Variants in TRAPPC9 observed in about 807,000 individuals in gnomAD.
The protein encoded by TRAPPC9 is trafficking protein particle complex subunit 9, also known as IKK2 binding protein.
A neutral mutation model predicts 124.0 loss-of-function variants in TRAPPC9; 83 were observed. That is an observed-to-expected ratio of 0.67 (90% CI 0.56 to 0.80). The LOEUF (loss-of-function observed/expected upper bound fraction) is 0.80. TRAPPC9 is among the 30% of genes least tolerant of loss of function. The pLI is 0.00. For missense variants in TRAPPC9, 1,302 were observed against 1,508.3 expected (o/e 0.86, Z 2.27); for synonymous variants, 638 against 617.5 (o/e 1.03, Z -0.49).
rs1844283038 is a variant in TRAPPC9, at chr8:140,087,645, C to T, written c.2557-63566G>A. ...TCTAAGGTCTGACCACTGTCGCCAA[C>T]CTCCTCTGCTGCCGCCCTCATCCAA... On this transcript the variant is annotated intron_variant, in intron 17 of 22. Coordinates refer to ENST00000438773, the MANE Select transcript of TRAPPC9 (RefSeq NM_001160372.4). This position sits in a 1 kb window ranked among gnomAD's most constrained non-coding sequence, Gnocchi z 4.6. Among the ~76,000 whole-genome samples, 1 of 152,172 alleles carries T rather than the reference C, an allele frequency of 6.6e-6. No homozygotes were observed. Among genetic ancestry groups the T allele is most frequent in the South Asian group, 2.1e-4 (1 of 4,832 alleles).
intron 18 of TRAPPC9, among the ~76,000 whole-genome samples, chr8:140,006,396 T>C (rs1838752855): frequency 6.6e-6 from 1 of 152,208 alleles, no homozygotes; most frequent in African/African-American, 2.4e-5. Flanking sequence ...ACTCATATAC[T>C]ATGGGAATGT....
chr8:140,019,518 T>C (rs1587507248), intron 18 of TRAPPC9, among the ~76,000 whole-genome samples: 1 of 149,936 alleles, frequency 6.7e-6, no homozygotes, highest in African/African-American at 2.4e-5. Context: ...TTCTTTTTCC[T>C]GTGTCAATTT....
intron 21 of TRAPPC9, among the ~76,000 whole-genome samples, chr8:139,770,333 C>G (rs1463626383): frequency 6.6e-6 from 1 of 152,230 alleles, no homozygotes; most frequent in Non-Finnish European, 1.5e-5. Context: ...CGGTCCTCAC[C>G]GTGGCTCCCC....
intron 21 of TRAPPC9, among the ~76,000 whole-genome samples, chr8:139,747,570 T>G (rs564400018): frequency 3.6e-5 from 1 of 27,522 alleles, no homozygotes; most frequent in Non-Finnish European, 6.6e-5. Flanking sequence ...GGGGTCAGAG[T>G]GGGTGTGGGG....
intron 17 of TRAPPC9, among the ~76,000 whole-genome samples, chr8:140,159,125 G>C (rs2061703037): frequency 6.6e-6 from 1 of 152,164 alleles, no homozygotes; most frequent in African/African-American, 2.4e-5. Context: ...CCACAACACA[G>C]TAACCTCCCC....
intron 7 of TRAPPC9, among the ~76,000 whole-genome samples, chr8:140,378,039 A>G (rs191984243): frequency 2.4e-4 from 36 of 152,208 alleles, no homozygotes; most frequent in Admixed American, 2.2e-3. Flanking sequence ...TAACATCTCA[A>G]TCCAGAGCTT....
chr8:140,439,286 C>T (rs904605889), intron 2 of TRAPPC9, 89 bp from the exon 3 acceptor site: 1 of 1,432,576 alleles, frequency 7.0e-7, no homozygotes, highest in African/African-American at 1.4e-5. Context: ...TCTCTCACTA[C>T]TAAAAATGCT....
chr8:140,209,027 G>A (rs1023303548), intron 17 of TRAPPC9, among the ~76,000 whole-genome samples: 7 of 152,172 alleles, frequency 4.6e-5, no homozygotes, highest in Non-Finnish European at 1.0e-4. Context: ...CATTTAAAAC[G>A]CTGGCAGTTG....
chr8:140,447,901 T>G, intron 2 of TRAPPC9, among the ~76,000 whole-genome samples: 1 of 152,182 alleles, frequency 6.6e-6, no homozygotes, highest in African/African-American at 2.4e-5. Flanking sequence ...TCCCAGCACT[T>G]TGGGAGGCCG....
chr8:140,268,648 C>T (rs1466908836), intron 15 of TRAPPC9, among the ~76,000 whole-genome samples: 1 of 152,116 alleles, frequency 6.6e-6, no homozygotes, highest in African/African-American at 2.4e-5. Flanking sequence ...CTGAGGCTGG[C>T]CACCCACCTC....
intron 17 of TRAPPC9, among the ~76,000 whole-genome samples, chr8:140,157,878 T>A (rs1241439063): frequency 6.6e-6 from 1 of 152,212 alleles, no homozygotes; most frequent in Admixed American, 6.5e-5. Context: ...TATAAATGCA[T>A]ATTTTTATAA....
At chr8:140,408,947 G>A (rs2069594217) in intron 5 of TRAPPC9, among the ~76,000 whole-genome samples, 1 of 152,050 alleles carries the variant, frequency 6.6e-6, no homozygotes, top group Admixed American at 6.6e-5. Context: ...AAAGGAAAAG[G>A]CTCTCTATCA....
rs940418802 is a variant in TRAPPC9 at position 140,385,103 on chromosome 8, G to C, written c.1134+12517C>G. On this transcript the variant is annotated intron_variant, in intron 7 of 22. Transcript: ENST00000438773. ...ATAACGAAATGAAGGCGGAAATAAA[G>C]ATGTTCTTTGAAACCAATGAGAACA... is the stretch of plus-strand genomic sequence containing the variant. 3.3e-5 allele frequency among the ~76,000 whole-genome samples: 5 copies of C among 152,288 alleles called. No homozygotes were observed. The East Asian group carries it at 9.6e-4, about 29-fold the overall frequency.
intron 19 of TRAPPC9, among the ~76,000 whole-genome samples, chr8:139,971,812 T>C (rs1417118726): frequency 1.4e-5 from 2 of 142,576 alleles, no homozygotes; most frequent in African/African-American, 5.3e-5. Flanking sequence ...TACATATATA[T>C]ATATACACAC....
intron 21 of TRAPPC9, among the ~76,000 whole-genome samples, chr8:139,757,943 G>A (rs1480859219): frequency 6.6e-6 from 1 of 152,170 alleles, no homozygotes; most frequent in East Asian, 1.9e-4. Context: ...CTGATGCCAG[G>A]AGGATTTTTC....
rs1287742534 is a variant in TRAPPC9 at position 139,825,116 on chromosome 8, C to G, written c.3055+60763G>C. ...GGTCACAGATGACCCGGGCCCTGGACGTGGGACGTGGGCTGCGGGACTACA... is the reference window on the plus strand; with the variant it reads ...GGTCACAGATGACCCGGGCCCTGGAGGTGGGACGTGGGCTGCGGGACTACA... On this transcript the variant is annotated intron_variant, in intron 21 of 22. Transcript: ENST00000438773. This position sits in a 1 kb window ranked among gnomAD's most constrained non-coding sequence, Gnocchi z 4.6. 6.6e-6 allele frequency among the ~76,000 whole-genome samples: 1 copy of G among 152,012 alleles called. No individual in the cohort carries two copies. The highest frequency in any genetic ancestry group is 2.4e-5 in the African/African-American group (1 of 41,388).
chr8:140,126,492 G>A (rs751540709), intron 17 of TRAPPC9, among the ~76,000 whole-genome samples: 4 of 152,138 alleles, frequency 2.6e-5, no homozygotes, highest in Admixed American at 6.5e-5. Flanking sequence ...TCAGACACTC[G>A]TAAGAACATC....
At chr8:140,401,937 T>G (rs1266139298) in intron 6 of TRAPPC9, among the ~76,000 whole-genome samples, 2 of 152,042 alleles carry the variant, frequency 1.3e-5, no homozygotes, top group Non-Finnish European at 2.9e-5. Context: ...CTTTTTTTTT[T>G]TTTTTAATTA....
chr8:140,329,849 G>A (rs552199087), intron 9 of TRAPPC9, among the ~76,000 whole-genome samples: 48 of 152,102 alleles, frequency 3.2e-4, no homozygotes, highest in African/African-American at 8.9e-4. Flanking sequence ...AGGCCAAGGC[G>A]GGCAGATCAC....
Sources: allele counts gnomAD v4.1 joint callset (sites outside exome capture counted in the v4.1 genomes callset), GRCh38; gene constraint gnomAD v4.1.1; non-coding constraint Gnocchi (gnomAD v3.1); transcripts MANE v1.5; gene names NCBI Gene and HGNC (gene_info 2026-07-23, HGNC 2026-07-21).